The following FYB2 variants were observed in gnomAD, a reference collection of about 807,000 sequenced individuals.
FYB2 encodes FYN-binding protein 2.
A neutral mutation model predicts 94.1 loss-of-function variants in FYB2; 103 were observed. The observed-to-expected ratio is 1.09, with a 90% CI of 0.93 to 1.29. The LOEUF (loss-of-function observed/expected upper bound fraction) is 1.29, where lower values mean the gene tolerates loss of function less well. Among genes scored for constraint, FYB2 ranks in the 50% most tolerant of loss-of-function variants. The pLI is 0.00. For missense variants in FYB2, 896 were observed against 841.5 expected, an observed-to-expected ratio of 1.06 and a Z score of -0.80; for synonymous variants, 293 against 287.9, an observed-to-expected ratio of 1.02 and a Z score of -0.18.
chr1:56,744,592 T>G (rs1255269659), intron 9 of FYB2, among the ~76,000 whole-genome samples: 1 of 152,000 alleles, frequency 6.6e-6, no homozygotes, highest in Non-Finnish European at 1.5e-5. Context: ...ATCCCTGACC[T>G]CAAACTTTGA....
chr1:56,724,054 ATAACTTTTTCTTTTTTT>A (rs1644538478), intron 16 of FYB2, among the ~76,000 whole-genome samples: 1 of 146,446 alleles, frequency 6.8e-6, no homozygotes, highest in East Asian at 2.1e-4. Flanking sequence ...ACTTAGAGAT[ATAACTTTTTCTTTTTTT>A]TAGGTTTAGG....
intron 11 of FYB2, among the ~76,000 whole-genome samples, chr1:56,743,178 A>T (rs56122223): frequency 0.17 from 25,459 of 151,962 alleles, 2,244 homozygotes; most frequent in African/African-American, 0.19. Context: ...CCTAATTGAA[A>T]TTTTGTATCC....
intron 4 of FYB2, among the ~76,000 whole-genome samples, chr1:56,779,006 A>G (rs1473471744): frequency 6.6e-6 from 1 of 152,124 alleles, no homozygotes; most frequent in African/African-American, 2.4e-5. Flanking sequence ...GACACACACA[A>G]GAAAATATAA....
At chr1:56,729,154 T>C (rs1232429328) in intron 15 of FYB2, among the ~76,000 whole-genome samples, 1 of 152,126 alleles carries the variant, frequency 6.6e-6, no homozygotes, top group Non-Finnish European at 1.5e-5. Flanking sequence ...CTGAAAGTGA[T>C]GGTTAACCAC....
At chr1:56,796,676 C>T (rs943731297) in intron 1 of FYB2, among the ~76,000 whole-genome samples, 10 of 152,150 alleles carry the variant, frequency 6.6e-5, no homozygotes, top group African/African-American at 2.2e-4. Flanking sequence ...AATCCCGACC[C>T]TCTTAATGCT....
chr1:56,786,062 G>A (rs1646126623), intron 4 of FYB2, among the ~76,000 whole-genome samples: 2 of 152,176 alleles, frequency 1.3e-5, no homozygotes, highest in South Asian at 4.1e-4. Context: ...GCTGGATGAG[G>A]AGAGACAGAT....
chr1:56,805,487 C>A (rs1646623833), intron 1 of FYB2, among the ~76,000 whole-genome samples: 1 of 152,168 alleles, frequency 6.6e-6, no homozygotes, highest in African/African-American at 2.4e-5. Context: ...ATCCTTACAA[C>A]TGGCTTCTGA....
chr1:56,789,201 G>T (rs1414170894), intron 2 of FYB2, 67 bp from the exon 3 acceptor site: 1 of 1,501,956 alleles, frequency 6.7e-7, no homozygotes, highest in Non-Finnish European at 8.9e-7. Context: ...GGGTAAAACT[G>T]GTTTCCTTGC....
chr1:56,792,019 T>C (rs200391570), intron 2 of FYB2, 37 bp downstream of exon 2: 1 of 1,522,156 alleles, frequency 6.6e-7, no homozygotes, highest in East Asian at 2.3e-5. Context: ...TGATGACACC[T>C]CCCTAGCCCC....
chr1:56,819,123 A>T (rs1646954454), intron 1 of FYB2, among the ~76,000 whole-genome samples, 159 bp downstream of exon 1: 1 of 122,886 alleles, frequency 8.1e-6, no homozygotes, highest in Non-Finnish European at 1.6e-5. Flanking sequence ...GAGCAAAGCC[A>T]GTGTGAGCAG....
chr1:56,810,691 C>T (rs1231866325), intron 1 of FYB2, among the ~76,000 whole-genome samples: 1 of 152,170 alleles, frequency 6.6e-6, no homozygotes, highest in Non-Finnish European at 1.5e-5. Context: ...ATGCCAGTTT[C>T]ATGTAAAGAG....
At chr1:56,745,199 C>G (rs1354992513) in intron 9 of FYB2, among the ~76,000 whole-genome samples, 4 of 152,024 alleles carry the variant, frequency 2.6e-5, no homozygotes, top group African/African-American at 9.7e-5. Flanking sequence ...TTTCCTTCCT[C>G]AATCCTTCCT....
chr1:56,791,175 A>T (rs145244708), intron 2 of FYB2, among the ~76,000 whole-genome samples: 71 of 152,230 alleles, frequency 4.7e-4, no homozygotes, highest in African/African-American at 1.7e-3. Flanking sequence ...TCAATCATTC[A>T]ACAAATTTTT....
upstream of FYB2, among the ~76,000 whole-genome samples, chr1:56,819,938 T>C (rs1646970472): frequency 6.6e-6 from 1 of 151,992 alleles, no homozygotes; most frequent in Admixed American, 6.6e-5. Context: ...TTTTAAAAGG[T>C]GAAGAATGGC....
chr1:56,820,224 C>T (rs1646974839), upstream of FYB2, among the ~76,000 whole-genome samples: 1 of 82,572 alleles, frequency 1.2e-5, no homozygotes, highest in South Asian at 2.8e-4. Flanking sequence ...GAGACTCCGT[C>T]TCAAAAAAAA....
At chr1:56,790,651 A>G (rs1251146350) in intron 2 of FYB2, among the ~76,000 whole-genome samples, 1 of 152,226 alleles carries the variant, frequency 6.6e-6, no homozygotes, top group African/African-American at 2.4e-5. Flanking sequence ...AGTTGAGAAC[A>G]AGAACATGTA....
intron 9 of FYB2, among the ~76,000 whole-genome samples, chr1:56,750,436 A>G (rs1645169284): frequency 6.6e-6 from 1 of 151,958 alleles, no homozygotes; most frequent in South Asian, 2.1e-4. Flanking sequence ...AGTGATACCA[A>G]GTCACTATGA....
At chr1:56,808,255 T>C (rs1646689769) in intron 1 of FYB2, among the ~76,000 whole-genome samples, 2 of 152,222 alleles carry the variant, frequency 1.3e-5, no homozygotes, top group East Asian at 1.9e-4. Context: ...AGCTAGTAAA[T>C]AGCAGAACTA....
rs1344503500 is a variant in FYB2 at position 56,744,045 on chromosome 1, G to A, written c.1524C>T (p.Ser508=). The A allele has an allele frequency of 3.1e-6, 5 of 1,612,404 alleles. No homozygotes were observed. The highest frequency in any genetic ancestry group is 3.4e-6 in the Non-Finnish European group (4 of 1,179,224). Residue 508 remains serine (S), a synonymous_variant, in exon 11 of 20, where the codon AGC becomes AGT. Coordinates refer to ENST00000343433, the MANE Select transcript of FYB2 (RefSeq NM_001004303.5). ...RKEVPKLNYS[S]SLASSSEENR... is the part of the protein sequence containing the mutation. ...ACTTACCACTACTTGAGGCAAGTGA[G>A]CTAGAGTAGTTCAGCTTCGGTCTAT...
Sources: gnomAD v4.1 joint callset for allele counts (sites outside exome capture counted in the v4.1 genomes callset) on GRCh38, gnomAD v4.1.1 for gene constraint, MANE v1.5 for transcripts, NCBI Gene and HGNC (gene_info 2026-07-23, HGNC 2026-07-21) for gene names.